The following SHC3 variants were observed in gnomAD, a reference collection of about 807,000 sequenced individuals.
SHC3 encodes the protein SHC-transforming protein 3.
SHC3 carries 15 observed loss-of-function variants against 60.4 expected under a neutral mutation model. The ratio of observed to expected loss-of-function variants is 0.25; its 90% CI spans 0.17 to 0.38. The LOEUF (loss-of-function observed/expected upper bound fraction) is 0.38. Ranked by LOEUF, SHC3 falls within the 10% of genes least tolerant of loss-of-function variation. SHC3 has a pLI of 1.00. For missense variants in SHC3, 677 were observed against 786.1 expected (o/e 0.86, Z 1.66); for synonymous variants, 294 against 325.9 (o/e 0.90, Z 1.05).
At chr9:89,067,212 T>C (rs1472603715) in intron 5 of SHC3, among the ~76,000 whole-genome samples, 1 of 152,166 alleles carries the variant, frequency 6.6e-6, no homozygotes, top group Non-Finnish European at 1.5e-5. Flanking sequence ...AAAACAAGGA[T>C]AACAGCTTGT....
chr9:89,024,966 A>T (rs1450054533), intron 11 of SHC3, among the ~76,000 whole-genome samples: 1 of 152,192 alleles, frequency 6.6e-6, no homozygotes, highest in Non-Finnish European at 1.5e-5. Flanking sequence ...GGTGGGGACA[A>T]CACCTTCCAC....
intron 4 of SHC3, 30 bp downstream of exon 4, chr9:89,075,079 C>A (rs1825335392): frequency 1.2e-6 from 2 of 1,608,860 alleles, no homozygotes; most frequent in Admixed American, 3.4e-5. Context: ...GGGCTGTGGG[C>A]AGGGACAGGG....
intron 6 of SHC3, among the ~76,000 whole-genome samples, chr9:89,061,690 A>G (rs1825092761): frequency 6.6e-6 from 1 of 152,186 alleles, no homozygotes; most frequent in Non-Finnish European, 1.5e-5. Context: ...AAAACAATAA[A>G]TGGAAAATTT....
At chr9:89,123,629 C>T (rs935586987) in intron 1 of SHC3, among the ~76,000 whole-genome samples, 11 of 152,128 alleles carry the variant, frequency 7.2e-5, no homozygotes, top group Admixed American at 6.5e-5. Context: ...CGGGGAGTAC[C>T]GGCTGCTTTT....
chr9:89,029,441 T>C (rs945097111), intron 11 of SHC3, among the ~76,000 whole-genome samples: 1 of 152,166 alleles, frequency 6.6e-6, no homozygotes, highest in Admixed American at 6.5e-5. Flanking sequence ...CAACTAACCA[T>C]ACTTTTAATC....
chr9:89,108,055 A>T (rs1399459779), intron 2 of SHC3, among the ~76,000 whole-genome samples: 1 of 152,228 alleles, frequency 6.6e-6, no homozygotes, highest in Non-Finnish European at 1.5e-5. Flanking sequence ...ATTGTGTTCC[A>T]ATTGCCTACA....
At chr9:89,022,028 T>G (rs1440882541) in intron 11 of SHC3, among the ~76,000 whole-genome samples, 2 of 152,104 alleles carry the variant, frequency 1.3e-5, no homozygotes, top group Non-Finnish European at 1.5e-5. Flanking sequence ...ATATTTCCTT[T>G]GTAGCGAACA....
At chr9:89,129,477 G>A (rs1376845849) in intron 1 of SHC3, among the ~76,000 whole-genome samples, 2 of 152,122 alleles carry the variant, frequency 1.3e-5, no homozygotes, top group Non-Finnish European at 2.9e-5. Flanking sequence ...AAGTTGAAAT[G>A]AAGGAAAATA....
At chr9:89,134,172 G>A (rs1391001320) in intron 1 of SHC3, among the ~76,000 whole-genome samples, 2 of 152,132 alleles carry the variant, frequency 1.3e-5, no homozygotes, top group Non-Finnish European at 2.9e-5. Flanking sequence ...TATGCAAGGA[G>A]TGTAAGGAAA....
intron 2 of SHC3, among the ~76,000 whole-genome samples, chr9:89,092,275 A>G (rs2118054765): frequency 6.6e-6 from 1 of 152,334 alleles, no homozygotes; most frequent in African/African-American, 2.4e-5. Flanking sequence ...AAGCAAAACC[A>G]GGAATTGTTG....
rs1229305022 is a variant in SHC3 at position 89,010,851 on chromosome 9, G to C, written c.*2596C>G. 6.6e-6 allele frequency: 1 copy of C among 152,282 alleles called. No individual in the cohort carries two copies. The highest frequency in any genetic ancestry group is 1.5e-5 in the Non-Finnish European group (1 of 68,094). The allele number at this position is 152,282 out of a possible 1,614,324, so 9.4% of individuals were successfully genotyped here. A position where few individuals can be genotyped will look rare whatever the true frequency, so the allele number is the denominator to read the frequency against. ...CAAAGCACAGGCTGGCACACAGCAG[G>C]GCTCACGAAATGCTGAGTGAGCAGA... On this transcript the variant is annotated 3_prime_UTR_variant, in exon 12 of 12. Transcript: ENST00000375835.
intron 1 of SHC3, among the ~76,000 whole-genome samples, chr9:89,135,657 G>A (rs2118178997): frequency 6.6e-6 from 1 of 152,120 alleles, no homozygotes. Context: ...ATAAAATTCT[G>A]GTTTCATCAG....
chr9:89,104,302 G>A (rs1476338184), intron 2 of SHC3, among the ~76,000 whole-genome samples: 1 of 152,164 alleles, frequency 6.6e-6, no homozygotes. Context: ...GGCAGCATGA[G>A]CAACCCCTGA....
At chr9:89,111,589 A>T (rs1825947830) in intron 2 of SHC3, among the ~76,000 whole-genome samples, 1 of 152,144 alleles carries the variant, frequency 6.6e-6, no homozygotes, top group Non-Finnish European at 1.5e-5. Context: ...AGAGAAAAAA[A>T]AAAAACAAAA....
intron 1 of SHC3, among the ~76,000 whole-genome samples, chr9:89,128,061 G>A (rs527997686): frequency 3.3e-4 from 50 of 152,008 alleles, no homozygotes; most frequent in Non-Finnish European, 6.0e-4. Flanking sequence ...TGTTGTGTGC[G>A]TGATGTCTAC....
chr9:89,141,857 C>A (rs907274005), intron 1 of SHC3, among the ~76,000 whole-genome samples: 2 of 151,798 alleles, frequency 1.3e-5, no homozygotes, highest in Non-Finnish European at 2.9e-5. Flanking sequence ...GAGAGAAATG[C>A]GTTGTCTGCA....
At chr9:89,116,989 C>G (rs1360679068) in intron 1 of SHC3, among the ~76,000 whole-genome samples, 3 of 152,174 alleles carry the variant, frequency 2.0e-5, no homozygotes, top group Non-Finnish European at 2.9e-5. Flanking sequence ...TGCCCTGCTC[C>G]TCTGTCATAG....
intron 9 of SHC3, among the ~76,000 whole-genome samples, chr9:89,043,658 T>TA (rs1564095798): frequency 1.3e-4 from 19 of 151,858 alleles, no homozygotes; most frequent in African/African-American, 2.9e-4. Context: ...ATTTATTTTT[T>TA]TTTTTTTTTT....
chr9:89,038,332 G>C, intron 10 of SHC3, 44 bp from the exon 11 acceptor site: 3 of 1,239,108 alleles, frequency 2.4e-6, no homozygotes, highest in Non-Finnish European at 3.2e-6. Context: ...ATCCCAAGAA[G>C]AGCAAATGAT....
Sources: allele counts gnomAD v4.1 joint callset (sites outside exome capture counted in the v4.1 genomes callset), GRCh38; gene constraint gnomAD v4.1.1; transcripts MANE v1.5; gene names NCBI Gene and HGNC (gene_info 2026-07-23, HGNC 2026-07-21).